Variants in METTL25B observed in about 807,000 individuals in gnomAD.
METTL25B encodes the protein methyltransferase like 25B, also known as methyltransferase-like protein 25B.
In METTL25B, 38 loss-of-function variants were observed where a neutral mutation model predicts 48.4. That is an observed-to-expected ratio of 0.78 (90% CI 0.61 to 1.03). METTL25B has a LOEUF of 1.03. Ranked by LOEUF, METTL25B falls within the 50% of genes least tolerant of loss-of-function variation. METTL25B has a pLI of 0.00. For synonymous variants in METTL25B, 230 were observed against 254.5 expected, an observed-to-expected ratio of 0.90 and a Z score of 0.92; for missense variants, 537 against 603.7, an observed-to-expected ratio of 0.89 and a Z score of 1.16.
intron 1 of METTL25B, among the ~76,000 whole-genome samples, chr1:156,730,421 T>C (rs908605425): frequency 2.6e-5 from 4 of 152,132 alleles, no homozygotes; most frequent in Admixed American, 6.6e-5. Context: ...TAGAGTAAAA[T>C]TGGTTTCAAA....
intron 1 of METTL25B, 132 bp from the exon 2 acceptor site, chr1:156,731,859 C>A: frequency 1.7e-6 from 2 of 1,161,408 alleles, no homozygotes; most frequent in Non-Finnish European, 2.5e-6. Flanking sequence ...AGGTACCTGC[C>A]AGTTACAGGC....
In METTL25B at chr1:156,735,737, G is replaced by C; in HGVS notation, c.1134G>C (p.Arg378=). Residue 378 remains arginine (R), a synonymous_variant, in exon 7 of 8, where the codon CGG becomes CGC. Coordinates refer to ENST00000368216, the MANE Select transcript of METTL25B (RefSeq NM_015997.4). ...ACTGATCCCACAGATATGTGCAGCG[G>C]GGGCTACAGCGAGTGGGGCTAGATC... ...HELKIEEYVQ[R]GLQRVGLDPQ... is the part of the protein sequence containing the mutation. 6.2e-7 allele frequency: 1 copy of C among 1,609,566 alleles called. No individual in the cohort carries two copies. The highest frequency in any genetic ancestry group is 2.2e-5 in the East Asian group (1 of 44,526).
At chr1:156,735,944 T>C (rs1558024200) in intron 7 of METTL25B, 35 bp downstream of exon 7, 2 of 1,558,374 alleles carry the variant, frequency 1.3e-6, no homozygotes, top group Admixed American at 1.8e-5. Context: ...CCAAGGACTA[T>C]AGTGACTGGG....
chr1:156,736,097 GT>G (rs968580463), intron 7 of METTL25B, 188 bp downstream of exon 7: 2 of 498,244 alleles, frequency 4.0e-6, no homozygotes, highest in African/African-American at 1.9e-5. Context: ...GCTGGGTGCG[GT>G]GGCTCATGCC....
chr1:156,730,664 G>A (rs1255583069), intron 1 of METTL25B, among the ~76,000 whole-genome samples: 1 of 152,124 alleles, frequency 6.6e-6, no homozygotes, highest in Non-Finnish European at 1.5e-5. Context: ...CCAGGGAGGC[G>A]GAGGTTGCAG....
chr1:156,728,549 C>T lies in METTL25B; in HGVS notation c.-556C>T. On this transcript the variant is annotated 5_prime_UTR_variant, in exon 1 of 8. Coordinates refer to ENST00000368216, the MANE Select transcript of METTL25B (RefSeq NM_015997.4). ...GTCGGCGCGCGCACACCCGCACCGC[C>T]CCGACCCCAGGTAGTGAGGCCAGTG... is the stretch of plus-strand genomic sequence containing the variant. 1 of 985,676 alleles carries T rather than the reference C, an allele frequency of 1.0e-6. No homozygotes were observed. Among genetic ancestry groups the T allele is most frequent in the Non-Finnish European group, 1.2e-6 (1 of 829,902 alleles). 61.1% of individuals were successfully genotyped at this position (985,676 alleles called of 1,614,324 possible).
chr1:156,733,873 C>T lies in METTL25B; in HGVS notation c.637-136C>T, dbSNP rs534783222. ...CCCTCTCCTGACTTGTGGTCCAGCCCCTCCCGCACCCACCTTATCTCCCAC... is the reference window on the plus strand; with the variant it reads ...CCCTCTCCTGACTTGTGGTCCAGCCTCTCCCGCACCCACCTTATCTCCCAC... On this transcript the variant is annotated intron_variant, in intron 5 of 7. Coordinates refer to ENST00000368216, the MANE Select transcript of METTL25B (RefSeq NM_015997.4). The T allele has an allele frequency of 4.7e-5, 58 of 1,233,016 alleles. No individual in the cohort carries two copies. In the African/African-American group the frequency reaches 6.9e-4, roughly 15 times the overall value. The allele number at this position is 1,233,016 out of a possible 1,614,324, so 76.4% of individuals were successfully genotyped here.
At chr1:156,736,117 C>T (rs1649771902) in intron 7 of METTL25B, 3 of 431,878 alleles carry the variant, frequency 6.9e-6, no homozygotes, top group Non-Finnish European at 1.2e-5. Flanking sequence ...CCTATAATCC[C>T]AGCACTTTAG....
Position 156,729,180 on chromosome 1 carries a change from G to T in METTL25B, c.76G>T (p.Ala26Ser), listed in dbSNP as rs776373198. ...AGCTGTTAACCTCACCCGTGTCCTG[G>T]CACTCTACCGTTCCATCTTGGATGC... ...QLAVNLTRVL[A>S]LYRSILDAYI... Residue 26 changes from alanine (A) to serine (S), a missense_variant, in exon 1 of 8, where the codon GCA becomes TCA. Transcript: ENST00000368216. 2.3e-5 allele frequency: 37 copies of T among 1,611,416 alleles called. No homozygotes were observed. The highest frequency in any genetic ancestry group is 3.1e-5 in the Non-Finnish European group (36 of 1,178,958).
Position 156,733,039 on chromosome 1 carries a change from T to G in METTL25B, c.484T>G (p.Ser162Ala), listed in dbSNP as rs1198198672. 1 of 1,613,938 alleles carries G rather than the reference T, an allele frequency of 6.2e-7. No homozygotes were observed. The highest frequency in any genetic ancestry group is 8.5e-7 in the Non-Finnish European group (1 of 1,179,940). The change falls in exon 4 of 8, where the codon TCA (serine) becomes GCA (alanine). Residue 162 changes from serine to alanine, a missense_variant. Transcript: ENST00000368216. ...CTGCACCCAGGTTGTAGACGTGGGC[T>G]CAGGCCAGGTGAGCCAGAGTCTTGA... is the stretch of plus-strand genomic sequence containing the variant. ...TGCTQVVDVG[S>A]GQGHLSRFMA... is the part of the protein sequence containing the mutation.
At chr1:156,732,183 A>G in intron 2 of METTL25B, 68 bp downstream of exon 2, 1 of 1,610,608 alleles carries the variant, frequency 6.2e-7, no homozygotes, top group South Asian at 1.1e-5. Context: ...CATATTGCTC[A>G]GAGAGTCTCA....
rs766266397 is a variant in METTL25B, at chr1:156,734,044, C to A, written c.672C>A (p.His224Gln). ...VQTSPRHSPH[H>Q]VVRWVDPTAL... is the part of the protein sequence containing the mutation. ...CCAGCCCTCGTCACTCCCCACACCA[C>A]GTGGTTAGGTGGGTAGACCCCACAG... The change falls in exon 6 of 8, where the codon CAC becomes CAA. Residue 224 changes from histidine to glutamine, a missense_variant. His to Gln is a conservative substitution (Grantham distance 24). Coordinates refer to ENST00000368216, the MANE Select transcript of METTL25B (RefSeq NM_015997.4). 3 of 1,611,780 alleles carry A rather than the reference C, an allele frequency of 1.9e-6. No individual in the cohort carries two copies. The East Asian group carries it at 6.7e-5, about 36-fold the overall frequency.
rs770211084 is a variant in METTL25B at position 156,735,866 on chromosome 1, G to A, written c.1263G>A (p.Glu421=). 4.3e-6 allele frequency: 7 copies of A among 1,613,150 alleles called. No homozygotes were observed. The Admixed American group carries it at 1.2e-4, about 27-fold the overall frequency. Residue 421 remains glutamate (E), a synonymous_variant, in exon 7 of 8, where the codon GAG becomes GAA. Coordinates refer to ENST00000368216, the MANE Select transcript of METTL25B (RefSeq NM_015997.4). The part of the protein sequence containing the change: ...SLALLLAPLV[E]TLILLDRLLY... ...CTCTACTGCTTGCCCCACTGGTGGA[G>A]ACGCTTATTCTACTGGACCGGCTGC...
rs1344603922 is a variant in METTL25B at position 156,735,888 on chromosome 1, C to G, written c.1285C>G (p.Leu429Val). 6.2e-7 allele frequency: 1 copy of G among 1,611,860 alleles called. No individual in the cohort carries two copies. The change falls in exon 7 of 8, where the codon CTG becomes GTG. Residue 429 changes from leucine to valine, a missense_variant. Transcript: ENST00000368216. ...GGAGACGCTTATTCTACTGGACCGG[C>G]TGCTGTACCTTCAGGAACAGGGTGA... is the stretch of plus-strand genomic sequence containing the variant. ...LVETLILLDR[L>V]LYLQEQGFHA... is the part of the protein sequence containing the mutation.
chr1:156,735,739 G>A lies in METTL25B; in HGVS notation c.1136G>A (p.Gly379Glu). 3 of 1,610,000 alleles carry A rather than the reference G, an allele frequency of 1.9e-6. No individual in the cohort carries two copies. The highest frequency in any genetic ancestry group is 2.5e-6 in the Non-Finnish European group (3 of 1,178,732). The change falls in exon 7 of 8, where the codon GGG becomes GAG. Residue 379 changes from glycine to glutamate, a missense_variant. By Grantham distance (98) the Gly-to-Glu change is moderately conservative (BLOSUM62 -2). Transcript: ENST00000368216. ...ELKIEEYVQRGLQRVGLDPQL... is the reference protein window; with the variant it reads ...ELKIEEYVQRELQRVGLDPQL... ...TGATCCCACAGATATGTGCAGCGGG[G>A]GCTACAGCGAGTGGGGCTAGATCCC...
Position 156,729,232 on chromosome 1 carries a change from G to A in METTL25B, c.111+17G>A, listed in dbSNP as rs1052317452. On this transcript the variant is annotated intron_variant, in intron 1 of 7. Coordinates refer to ENST00000368216, the MANE Select transcript of METTL25B (RefSeq NM_015997.4). The stretch of plus-strand genomic sequence containing the variant: ...TACATCATCGTGAGGCCACAGGGGC[G>A]TGGGTGGGATGTCTCTGGTCGTGTG... The A allele has an allele frequency of 7.9e-6, 12 of 1,514,966 alleles. No individual in the cohort carries two copies. In the African/African-American group the frequency reaches 1.2e-4, roughly 16 times the overall value. The allele number at this position is 1,514,966 out of a possible 1,614,324, so 93.8% of individuals were successfully genotyped here.
chr1:156,730,241 T>C (rs1311400749), intron 1 of METTL25B, among the ~76,000 whole-genome samples: 1 of 152,234 alleles, frequency 6.6e-6, no homozygotes, highest in Non-Finnish European at 1.5e-5. Context: ...ATATTCTGGC[T>C]CCTACTGTCT....
chr1:156,733,128 C>G (rs932215080), intron 4 of METTL25B, 81 bp downstream of exon 4: 1 of 1,359,522 alleles, frequency 7.4e-7, no homozygotes, highest in African/African-American at 1.5e-5. Flanking sequence ...GGGCCACAGG[C>G]CCAGCGAGGC....
Position 156,734,350 on chromosome 1 carries a change from T to TGA in METTL25B, c.980_981dup (p.Arg328SerfsTer59), listed in dbSNP as rs764620038. On this transcript the variant is annotated frameshift_variant, in exon 6 of 8. Transcript: ENST00000368216. LOFTEE classifies it high-confidence loss of function. ...CCTGCCATGCCCTGGAGGAATATGC[T>TGA]GAGCGGCTACAGAAAGCTGGCCCTG... 13 of 1,613,928 alleles carry TGA rather than the reference T, an allele frequency of 8.1e-6. No individual in the cohort carries two copies. The highest frequency in any genetic ancestry group is 1.1e-5 in the Non-Finnish European group (13 of 1,179,980).
Sources: gnomAD v4.1 joint callset for allele counts (sites outside exome capture counted in the v4.1 genomes callset) on GRCh38, gnomAD v4.1.1 for gene constraint, MANE v1.5 for transcripts, NCBI Gene and HGNC (gene_info 2026-07-23, HGNC 2026-07-21) for gene names.